ADAM32: variants seen among roughly 807,000 people sequenced by gnomAD.
The protein encoded by ADAM32 is disintegrin and metalloproteinase domain-containing protein 32.
A neutral mutation model predicts 114.9 loss-of-function variants in ADAM32; 89 were observed. The observed-to-expected ratio is 0.77, with a 90% CI of 0.65 to 0.92. The LOEUF is 0.92. ADAM32 is among the 40% of genes least tolerant of loss of function. ADAM32 has a pLI of 0.00. For synonymous variants in ADAM32, 285 were observed against 307.5 expected (o/e 0.93, Z 0.77); for missense variants, 870 against 932.8 (o/e 0.93, Z 0.88).
chr8:39,242,002 G>T (rs1463076159), intron 16 of ADAM32, among the ~76,000 whole-genome samples: 2 of 152,178 alleles, frequency 1.3e-5, no homozygotes, highest in Admixed American at 1.3e-4. Context: ...ATGCTTTGCT[G>T]CTTAGAAATT....
intron 2 of ADAM32, among the ~76,000 whole-genome samples, chr8:39,121,167 T>A (rs1272725514): frequency 6.6e-6 from 1 of 152,172 alleles, no homozygotes. Flanking sequence ...AATAAAAAGA[T>A]TCCTCATGAT....
chr8:39,137,854 C>G (rs1032257406), intron 3 of ADAM32, among the ~76,000 whole-genome samples: 3 of 151,410 alleles, frequency 2.0e-5, no homozygotes, highest in African/African-American at 7.3e-5. Context: ...TTAACTTACT[C>G]TTTTAGGCAG....
chr8:39,176,712 C>T (rs7817293), intron 10 of ADAM32, among the ~76,000 whole-genome samples: 12,848 of 152,074 alleles, frequency 0.084, 1,834 homozygotes, highest in African/African-American at 0.29. Context: ...CCACTTGATC[C>T]AGAGCTGAGT....
intron 14 of ADAM32, among the ~76,000 whole-genome samples, chr8:39,227,359 G>A (rs7013465): frequency 2.6e-5 from 4 of 152,128 alleles, no homozygotes; most frequent in South Asian, 4.1e-4. Context: ...GAGAAAGACC[G>A]TGGGAGTTCT....
intron 2 of ADAM32, 141 bp downstream of exon 2, chr8:39,118,306 G>A (rs1840460412): frequency 9.0e-6 from 4 of 445,386 alleles, no homozygotes; most frequent in South Asian, 1.6e-4. Flanking sequence ...AAGCTTTGAT[G>A]GTAAAAGCAA....
chr8:39,273,162 T>C (rs1238287293), intron 20 of ADAM32, among the ~76,000 whole-genome samples: 1 of 151,826 alleles, frequency 6.6e-6, no homozygotes, highest in Admixed American at 6.6e-5. Flanking sequence ...TTACAGTTAA[T>C]TTTTTTTCTT....
intron 16 of ADAM32, among the ~76,000 whole-genome samples, chr8:39,245,065 G>C (rs1490021422): frequency 6.6e-6 from 1 of 151,560 alleles, no homozygotes; most frequent in African/African-American, 2.4e-5. Context: ...AGAGTAAACA[G>C]ACAACCCACA....
chr8:39,114,677 T>C (rs1044105295), intron 1 of ADAM32, among the ~76,000 whole-genome samples: 2 of 152,190 alleles, frequency 1.3e-5, no homozygotes, highest in African/African-American at 4.8e-5. Flanking sequence ...AAGCAAGGAA[T>C]CATGTTTAAA....
chr8:39,135,097 G>C (rs1011010383), intron 2 of ADAM32, among the ~76,000 whole-genome samples: 1 of 152,184 alleles, frequency 6.6e-6, no homozygotes, highest in African/African-American at 2.4e-5. Context: ...AGAAGTTGCG[G>C]TGAGCTGAGA....
chr8:39,135,762 A>T (rs1406156999), intron 2 of ADAM32, among the ~76,000 whole-genome samples: 3 of 151,926 alleles, frequency 2.0e-5, no homozygotes, highest in Non-Finnish European at 4.4e-5. Flanking sequence ...CTCAATTTGG[A>T]TTTGTCTGAT....
chr8:39,118,483 C>A (rs1182174956), intron 2 of ADAM32, among the ~76,000 whole-genome samples: 3 of 152,050 alleles, frequency 2.0e-5, no homozygotes, highest in African/African-American at 4.8e-5. Flanking sequence ...ATGTCTAAGA[C>A]AATTTCTTTT....
At position 39,161,318 on chromosome 8, in the gene ADAM32, C is replaced by T. The variant is rs1018230874; in HGVS notation, c.594+353C>T. ...GAAGAGCAGAATGTAGTCTAGGGAA[C>T]ATTCCACCCTAGAATATTTATTGGA... On this transcript the variant is annotated intron_variant, in intron 7 of 24. Coordinates refer to ENST00000379907, the MANE Select transcript of ADAM32 (RefSeq NM_145004.7). Among the ~76,000 whole-genome samples, 3 of 152,300 alleles carry T rather than the reference C, an allele frequency of 2.0e-5. No individual in the cohort carries two copies. The East Asian group carries it at 5.8e-4, about 29-fold the overall frequency.
At chr8:39,234,463 A>G (rs1426539688) in intron 16 of ADAM32, among the ~76,000 whole-genome samples, 5 of 152,180 alleles carry the variant, frequency 3.3e-5, no homozygotes, top group Non-Finnish European at 7.3e-5. Context: ...ATAACAGCAC[A>G]ACTTAGATCA....
chr8:39,245,643 A>C (rs980139044), intron 16 of ADAM32, among the ~76,000 whole-genome samples: 1 of 152,126 alleles, frequency 6.6e-6, no homozygotes, highest in Admixed American at 6.6e-5. Flanking sequence ...AGGAGAAACC[A>C]ACCCTGCAGA....
At chr8:39,274,987 T>C (rs1339576209) in intron 21 of ADAM32, among the ~76,000 whole-genome samples, 2 of 152,236 alleles carry the variant, frequency 1.3e-5, no homozygotes, top group African/African-American at 4.8e-5. Context: ...AGGCTCCTGT[T>C]TCTCTGTGTG....
At chr8:39,174,876 AG>A (rs1215087528) in intron 10 of ADAM32, among the ~76,000 whole-genome samples, 1 of 152,100 alleles carries the variant, frequency 6.6e-6, no homozygotes, top group Non-Finnish European at 1.5e-5. Context: ...ACTGATTTGT[AG>A]TACTCCTTGA....
intron 11 of ADAM32, among the ~76,000 whole-genome samples, chr8:39,199,885 C>T (rs1371460768): frequency 6.7e-6 from 1 of 148,306 alleles, no homozygotes; most frequent in Admixed American, 7.0e-5. Flanking sequence ...GGTTTTTTGT[C>T]CTTGCGATAG....
At chr8:39,198,026 T>C (rs1217839191) in intron 11 of ADAM32, among the ~76,000 whole-genome samples, 1 of 152,164 alleles carries the variant, frequency 6.6e-6, no homozygotes, top group Non-Finnish European at 1.5e-5. Flanking sequence ...ATATTTATAA[T>C]TTTTATGTAC....
At chr8:39,220,442 T>G (rs754688798) in intron 12 of ADAM32, among the ~76,000 whole-genome samples, 8 of 152,002 alleles carry the variant, frequency 5.3e-5, no homozygotes, top group Non-Finnish European at 1.0e-4. Context: ...TATTATTTCT[T>G]TTGTTCCACT....
Sources: gnomAD v4.1 joint callset for allele counts (sites outside exome capture counted in the v4.1 genomes callset) on GRCh38, gnomAD v4.1.1 for gene constraint, MANE v1.5 for transcripts, NCBI Gene and HGNC (gene_info 2026-07-23, HGNC 2026-07-21) for gene names.